The following FOXN2 variants were observed in gnomAD, a reference collection of about 807,000 sequenced individuals.
FOXN2 encodes forkhead box protein N2.
In FOXN2, 19 loss-of-function variants were observed where a neutral mutation model predicts 41.2. The observed-to-expected ratio is 0.46, with a 90% CI of 0.32 to 0.68. FOXN2 has a LOEUF of 0.68. FOXN2 is among the 30% of genes least tolerant of loss of function. The pLI is 0.03. For synonymous variants in FOXN2, 195 were observed against 176.8 expected, an observed-to-expected ratio of 1.10 and a Z score of -0.82; for missense variants, 587 against 509.4, an observed-to-expected ratio of 1.15 and a Z score of -1.47.
At chr2:48,340,137 A>G (rs1256352851) in intron 2 of FOXN2, among the ~76,000 whole-genome samples, 1 of 152,220 alleles carries the variant, frequency 6.6e-6, no homozygotes, top group African/African-American at 2.4e-5. Context: ...AAGTGTGGAA[A>G]AGTAAGTCAA....
chr2:48,344,348 A>G (rs977936151), intron 2 of FOXN2, among the ~76,000 whole-genome samples: 2 of 152,206 alleles, frequency 1.3e-5, no homozygotes, highest in Admixed American at 1.3e-4. Flanking sequence ...CTGGATATGG[A>G]AAGAATGCTG....
intron 4 of FOXN2, among the ~76,000 whole-genome samples, chr2:48,361,193 G>A (rs1672153804): frequency 6.6e-6 from 1 of 152,054 alleles, no homozygotes; most frequent in African/African-American, 2.4e-5. Flanking sequence ...ATGGTCAGGT[G>A]AGGTGGCTCA....
Position 48,322,279 on chromosome 2 carries a change from T to A in FOXN2, c.-156-6282T>A, listed in dbSNP as rs556074052. ...TAGATTTAAATTAATAGCAGCAGTT[T>A]ATTTTCCTAAATTCTTTTTTTTTTA... is the stretch of plus-strand genomic sequence containing the variant. On this transcript the variant is annotated intron_variant, in intron 1 of 6. Coordinates refer to ENST00000340553, the MANE Select transcript of FOXN2 (RefSeq NM_002158.4). Among the ~76,000 whole-genome samples the A allele has an allele frequency of 3.9e-5, 6 of 152,292 alleles. No individual in the cohort carries two copies. The South Asian group carries it at 1.2e-3, about 32-fold the overall frequency.
chr2:48,322,827 AT>A (rs1669422741), intron 1 of FOXN2, among the ~76,000 whole-genome samples: 1 of 149,442 alleles, frequency 6.7e-6, no homozygotes, highest in Non-Finnish European at 1.5e-5. Context: ...TTACTTTGAA[AT>A]AGGAGTTCAT....
At chr2:48,339,512 A>G (rs1256334276) in intron 2 of FOXN2, among the ~76,000 whole-genome samples, 1 of 152,158 alleles carries the variant, frequency 6.6e-6, no homozygotes, top group Non-Finnish European at 1.5e-5. Context: ...CAGCCATGCA[A>G]AACTATGAGC....
At chr2:48,358,114 C>T (rs933380357) in intron 3 of FOXN2, among the ~76,000 whole-genome samples, 2 of 151,804 alleles carry the variant, frequency 1.3e-5, no homozygotes, top group Non-Finnish European at 2.9e-5. Flanking sequence ...AATTTTATCC[C>T]GTTTTTTTTT....
chr2:48,356,539 T>G (rs1671808993), intron 3 of FOXN2, among the ~76,000 whole-genome samples: 1 of 152,214 alleles, frequency 6.6e-6, no homozygotes. Flanking sequence ...CTGGGAAACA[T>G]GGAATTAAAT....
At position 48,366,317 on chromosome 2, in the gene FOXN2, C is replaced by G. The variant is rs186409646; in HGVS notation, c.703+3610C>G. 4.0e-3 allele frequency among the ~76,000 whole-genome samples: 598 copies of G among 150,872 alleles called. 6 individuals are homozygous for G. The highest frequency in any genetic ancestry group is 0.014 in the African/African-American group (563 of 41,024). On this transcript the variant is annotated intron_variant, in intron 5 of 6. Transcript: ENST00000340553. ...GAGATTGCAGTGAGCCGAGATCGCG[C>G]CACTGCACTCCAGCCTAGGTGACAG...
intron 1 of FOXN2, among the ~76,000 whole-genome samples, chr2:48,318,769 G>A (rs969123668): frequency 3.3e-5 from 5 of 152,162 alleles, no homozygotes; most frequent in African/African-American, 1.2e-4. Context: ...CATTTGTTCT[G>A]GAGTCTGCCT....
rs1245629700 is a variant in FOXN2, at chr2:48,377,662, A to G, written c.*2219A>G. On this transcript the variant is annotated 3_prime_UTR_variant, in exon 7 of 7. Transcript: ENST00000340553. Reference sequence around the variant, plus strand: ...GAATTTAAATGTTTAAGTTATATTCATCACTAGCAAGGATGATAAACACTT... The same window carrying G: ...GAATTTAAATGTTTAAGTTATATTCGTCACTAGCAAGGATGATAAACACTT... 1 of 152,074 alleles carries G rather than the reference A, an allele frequency of 6.6e-6. No individual in the cohort carries two copies. Among genetic ancestry groups the G allele is most frequent in the African/African-American group, 2.4e-5 (1 of 41,458 alleles). The allele number at this position is 152,074 out of a possible 1,614,324, so 9.4% of individuals were successfully genotyped here. A position where few individuals can be genotyped will look rare whatever the true frequency, so the allele number is the denominator to read the frequency against.
chr2:48,368,304 A>G (rs1364216402), intron 5 of FOXN2, among the ~76,000 whole-genome samples: 1 of 152,188 alleles, frequency 6.6e-6, no homozygotes, highest in African/African-American at 2.4e-5. Flanking sequence ...AGAATAAAGT[A>G]CTTTATCAAT....
At chr2:48,328,376 C>T (rs187534525) in intron 1 of FOXN2, among the ~76,000 whole-genome samples, 185 bp from the exon 2 acceptor site, 1 of 152,284 alleles carries the variant, frequency 6.6e-6, no homozygotes, top group East Asian at 1.9e-4. Flanking sequence ...ATAACCTACC[C>T]ACTTCCTTCC....
At chr2:48,319,079 A>G (rs1451177571) in intron 1 of FOXN2, among the ~76,000 whole-genome samples, 2 of 152,088 alleles carry the variant, frequency 1.3e-5, no homozygotes, top group East Asian at 1.9e-4. Context: ...AAAAATGTTT[A>G]CAGGTGTTAG....
rs114390999 is a variant in FOXN2, at chr2:48,359,515, A to G, written c.638+368A>G. Among the ~76,000 whole-genome samples the G allele has an allele frequency of 3.5e-3, 533 of 151,800 alleles. 1 individual carries two copies. Among genetic ancestry groups the G allele is most frequent in the Non-Finnish European group, 5.6e-3 (378 of 67,914 alleles). On this transcript the variant is annotated intron_variant, in intron 4 of 6. Transcript: ENST00000340553. Reference sequence around the variant, plus strand: ...CACCATGTTGGCCTGGGTGGTCTCTAACTCCTGACTTCAAGTGATCCTCCC... The same window carrying G: ...CACCATGTTGGCCTGGGTGGTCTCTGACTCCTGACTTCAAGTGATCCTCCC...
intron 3 of FOXN2, among the ~76,000 whole-genome samples, chr2:48,357,193 C>G (rs1671849237): frequency 6.6e-6 from 1 of 152,144 alleles, no homozygotes; most frequent in South Asian, 2.1e-4. Flanking sequence ...AGACCATACT[C>G]AAGATACTTA....
At chr2:48,316,285 A>G (rs976920453) in intron 1 of FOXN2, among the ~76,000 whole-genome samples, 5 of 152,006 alleles carry the variant, frequency 3.3e-5, no homozygotes, top group African/African-American at 1.2e-4. Context: ...CCTCAGCATT[A>G]TTAGGTACCA....
In FOXN2 at chr2:48,376,201, T is replaced by G. The variant is rs1011961790; in HGVS notation, c.*758T>G. On this transcript the variant is annotated 3_prime_UTR_variant, in exon 7 of 7. Transcript: ENST00000340553. Reference sequence around the variant, plus strand: ...CTTTCCCAAAGTGCTTTGCAAACATTAAGTTTTAGCCACTAGCTGCCTTTG... The same window carrying G: ...CTTTCCCAAAGTGCTTTGCAAACATGAAGTTTTAGCCACTAGCTGCCTTTG... 1 of 152,152 alleles carries G rather than the reference T, an allele frequency of 6.6e-6. No individual in the cohort carries two copies. Among genetic ancestry groups the G allele is most frequent in the East Asian group, 1.9e-4 (1 of 5,200 alleles). 9.4% of individuals were successfully genotyped at this position (152,152 alleles called of 1,614,324 possible).
chr2:48,341,005 T>C (rs1195133230), intron 2 of FOXN2, among the ~76,000 whole-genome samples: 1 of 152,240 alleles, frequency 6.6e-6, no homozygotes, highest in Non-Finnish European at 1.5e-5. Context: ...TATTAATTAC[T>C]TGGATTAAGC....
intron 5 of FOXN2, among the ~76,000 whole-genome samples, chr2:48,372,446 G>A (rs901423594): frequency 6.6e-6 from 1 of 152,102 alleles, no homozygotes; most frequent in African/African-American, 2.4e-5. Context: ...TCATATCTGA[G>A]TCTTATTTTA....
Sources: gnomAD v4.1 joint callset for allele counts (sites outside exome capture counted in the v4.1 genomes callset) on GRCh38, gnomAD v4.1.1 for gene constraint, MANE v1.5 for transcripts, NCBI Gene and HGNC (gene_info 2026-07-23, HGNC 2026-07-21) for gene names.